The following PLEKHM3 variants were observed in gnomAD, a reference collection of about 807,000 sequenced individuals.
PLEKHM3 encodes the protein pleckstrin homology domain containing M3, also known as pleckstrin homology domain-containing family M member 3.
Under a neutral mutation model 81.8 loss-of-function variants are expected in PLEKHM3, and 45 were observed. The observed-to-expected ratio is 0.55, with a 90% confidence interval of 0.43 to 0.71. The LOEUF is 0.71. Among genes scored for constraint, PLEKHM3 ranks in the 30% least tolerant of loss-of-function variants. The probability of loss-of-function intolerance (pLI) is 0.00; values close to 1 mark genes in which losing one functional copy is unlikely to be tolerated. For missense variants in PLEKHM3, 788 were observed against 924.3 expected, an observed-to-expected ratio of 0.85 and a Z score of 1.91; for synonymous variants, 352 against 356.4, an observed-to-expected ratio of 0.99 and a Z score of 0.14.
intron 6 of PLEKHM3, among the ~76,000 whole-genome samples, chr2:207,890,571 T>C (rs2105870222): frequency 1.3e-5 from 2 of 152,258 alleles, no homozygotes; most frequent in South Asian, 4.1e-4. Context: ...GAGGTTGCAG[T>C]GAGCCAAGAT....
intron 5 of PLEKHM3, among the ~76,000 whole-genome samples, chr2:207,921,527 C>G: frequency 6.6e-6 from 1 of 152,124 alleles, no homozygotes; most frequent in East Asian, 1.9e-4. Context: ...ATTCAAAATG[C>G]ACTTTTCTAG....
intron 6 of PLEKHM3, among the ~76,000 whole-genome samples, chr2:207,889,842 C>A (rs922848163): frequency 6.6e-6 from 1 of 152,106 alleles, no homozygotes; most frequent in Non-Finnish European, 1.5e-5. Flanking sequence ...CTCGCTCTGT[C>A]GCCCAGGCTT....
At chr2:207,902,819 C>CCCACCCACCCAT (rs1688477638) in intron 6 of PLEKHM3, among the ~76,000 whole-genome samples, 3 of 87,528 alleles carry the variant, frequency 3.4e-5, no homozygotes, top group Non-Finnish European at 6.7e-5. Context: ...CACCCATCCA[C>CCCACCCACCCAT]CCACCCACCC....
In PLEKHM3 at chr2:207,976,217, C is replaced by G. The variant is rs963551950; in HGVS notation, c.1546+434G>C. Among the ~76,000 whole-genome samples, 1 of 152,226 alleles carries G rather than the reference C, an allele frequency of 6.6e-6. No individual in the cohort carries two copies. ...GGTCAAGATCAATGACAGTTACTGA[C>G]TGTGGCCATTTTCCTTGCCTAAGGA... On this transcript the variant is annotated intron_variant, in intron 3 of 7. Transcript: ENST00000427836. This position sits in a 1 kb window ranked among gnomAD's most constrained non-coding sequence, Gnocchi z 4.1.
intron 7 of PLEKHM3, among the ~76,000 whole-genome samples, chr2:207,858,262 C>A (rs2092447935): frequency 6.6e-6 from 1 of 150,738 alleles, no homozygotes; most frequent in Non-Finnish European, 1.5e-5. Context: ...CAATCTCTGC[C>A]TCCTGGGTTT....
At chr2:207,876,275 T>G (rs1335148585) in intron 6 of PLEKHM3, among the ~76,000 whole-genome samples, 1 of 152,170 alleles carries the variant, frequency 6.6e-6, no homozygotes, top group East Asian at 1.9e-4. Flanking sequence ...TAACAAATAT[T>G]TAAATTGTTA....
At chr2:207,883,135 G>A (rs1306482532) in intron 6 of PLEKHM3, among the ~76,000 whole-genome samples, 1 of 152,212 alleles carries the variant, frequency 6.6e-6, no homozygotes, top group Non-Finnish European at 1.5e-5. Flanking sequence ...TCAGCTGAGT[G>A]TTCTGTCTCC....
intron 3 of PLEKHM3, among the ~76,000 whole-genome samples, chr2:207,963,865 G>C (rs1211498762): frequency 6.6e-6 from 1 of 152,144 alleles, no homozygotes; most frequent in Non-Finnish European, 1.5e-5. Flanking sequence ...ATAGTTAAAG[G>C]AAATGTGCCT....
intron 4 of PLEKHM3, among the ~76,000 whole-genome samples, chr2:207,943,957 C>T (rs899034087): frequency 2.7e-5 from 4 of 150,748 alleles, no homozygotes; most frequent in Admixed American, 2.0e-4. Context: ...AAAATAAAGT[C>T]GAGATGTCCA....
rs530471036 is a variant in PLEKHM3 at position 208,001,774 on chromosome 2, G to T, written c.-135C>A. ...GGAAGAAACCTTCATTGGGCTCCCT[G>T]GAGCAGGCCAAACCCAAAGTGGTTG... On this transcript the variant is annotated 5_prime_UTR_variant, in exon 2 of 8. Transcript: ENST00000427836. 33 of 1,436,084 alleles carry T rather than the reference G, an allele frequency of 2.3e-5. No homozygotes were observed. The highest frequency in any genetic ancestry group is 3.0e-5 in the Non-Finnish European group (32 of 1,079,370). The allele number at this position is 1,436,084 out of a possible 1,614,324, so 89.0% of individuals were successfully genotyped here.
intron 7 of PLEKHM3, among the ~76,000 whole-genome samples, chr2:207,849,910 AGACAGGGAAACATTTTTTTAAAAGTTTAT>A (rs1302392022): frequency 6.6e-6 from 1 of 152,234 alleles, no homozygotes; most frequent in Non-Finnish European, 1.5e-5. Context: ...AGAATACCTG[AGACAGGGAAACATTTTTTTAAAAGTTTAT>A]TTGGCTCCTG....
chr2:207,846,722 C>CA lies in PLEKHM3; in HGVS notation c.2108+14382dup, dbSNP rs1053536297. Among the ~76,000 whole-genome samples, 613 of 126,608 alleles carry CA rather than the reference C, an allele frequency of 4.8e-3. 5 individuals are homozygous for CA. The highest frequency in any genetic ancestry group is 0.015 in the African/African-American group (519 of 33,884). 83.1% of individuals were successfully genotyped at this position (126,608 alleles called of 152,430 possible). A position where few individuals can be genotyped will look rare whatever the true frequency, so the allele number is the denominator to read the frequency against. Reference sequence around the variant, plus strand: ...TGGATGACAGAGCCAGATCCTGTCTCAAAAAAAAAAAAATTTTTTTTTTCT... The same window carrying CA: ...TGGATGACAGAGCCAGATCCTGTCTCAAAAAAAAAAAAAATTTTTTTTTTCT... On this transcript the variant is annotated intron_variant, in intron 7 of 7. Coordinates refer to ENST00000427836, the MANE Select transcript of PLEKHM3 (RefSeq NM_001080475.3).
chr2:207,897,058 G>C (rs763573754), intron 6 of PLEKHM3, among the ~76,000 whole-genome samples: 1 of 152,224 alleles, frequency 6.6e-6, no homozygotes, highest in Non-Finnish European at 1.5e-5. Flanking sequence ...TGGCTCAAGA[G>C]GGTGGGGGCT....
intron 2 of PLEKHM3, among the ~76,000 whole-genome samples, chr2:207,988,786 C>T (rs1039560991): frequency 6.6e-6 from 1 of 152,174 alleles, no homozygotes; most frequent in African/African-American, 2.4e-5. Flanking sequence ...CATGACCTGG[C>T]CTCTGGCTAT....
At chr2:207,834,113 C>T (rs2092303769) in intron 7 of PLEKHM3, among the ~76,000 whole-genome samples, 1 of 148,560 alleles carries the variant, frequency 6.7e-6, no homozygotes, top group African/African-American at 2.5e-5. Flanking sequence ...TATCAACTCA[C>T]TCTGATTTTT....
chr2:207,843,812 G>A lies in PLEKHM3; in HGVS notation c.2109-15316C>T, dbSNP rs758740139. ...TGGAAAAAAACGTGGAATTTGGGGC[G>A]GGAGTGGTGGCTCATGCCTGTAATC... On this transcript the variant is annotated intron_variant, in intron 7 of 7. Transcript: ENST00000427836. This position sits in a 1 kb window ranked among gnomAD's most constrained non-coding sequence, Gnocchi z 4.4. Among the ~76,000 whole-genome samples the A allele has an allele frequency of 1.1e-4, 17 of 152,142 alleles. No homozygotes were observed. The highest frequency in any genetic ancestry group is 1.9e-4 in the Non-Finnish European group (13 of 68,026).
chr2:207,931,788 C>T (rs1386352546), intron 4 of PLEKHM3, among the ~76,000 whole-genome samples: 2 of 152,178 alleles, frequency 1.3e-5, no homozygotes, highest in African/African-American at 2.4e-5. Flanking sequence ...GCCTGGCCGA[C>T]ATGGCGAAAC....
intron 6 of PLEKHM3, among the ~76,000 whole-genome samples, chr2:207,902,770 G>A (rs968374295): frequency 9.9e-5 from 15 of 151,852 alleles, no homozygotes; most frequent in Admixed American, 4.6e-4. Flanking sequence ...GTGAGTTCAC[G>A]ATAGTATATG....
At chr2:207,991,495 T>C (rs1046460427) in intron 2 of PLEKHM3, among the ~76,000 whole-genome samples, 2 of 152,108 alleles carry the variant, frequency 1.3e-5, no homozygotes, top group South Asian at 4.1e-4. Context: ...GAATAATAAT[T>C]TGTTTAATCC....
Sources: allele counts gnomAD v4.1 joint callset (sites outside exome capture counted in the v4.1 genomes callset), GRCh38; gene constraint gnomAD v4.1.1; non-coding constraint Gnocchi (gnomAD v3.1); transcripts MANE v1.5; gene names NCBI Gene and HGNC (gene_info 2026-07-23, HGNC 2026-07-21).